SYNPR: variants seen among roughly 807,000 people sequenced by gnomAD.
SYNPR encodes the protein synaptoporin.
In SYNPR, 23 loss-of-function variants were observed where a neutral mutation model predicts 32.9. That is an observed-to-expected ratio of 0.70 (90% CI 0.50 to 0.99). SYNPR has a LOEUF of 0.99. SYNPR is among the 50% of genes least tolerant of loss of function. The pLI is 0.00. For synonymous variants in SYNPR, 146 were observed against 135.9 expected, an observed-to-expected ratio of 1.07 and a Z score of -0.52; for missense variants, 318 against 349.3, an observed-to-expected ratio of 0.91 and a Z score of 0.71.
chr3:63,271,569 A>T (rs2086535751), intron 3 of SYNPR, among the ~76,000 whole-genome samples: 1 of 152,262 alleles, frequency 6.6e-6, no homozygotes, highest in South Asian at 2.1e-4. Flanking sequence ...AGTATATGGT[A>T]GAATCCATTG....
rs376661036 is a variant in SYNPR at position 63,480,900 on chromosome 3, C to A, written c.153C>A (p.Cys51Ter). ...YSGGLRLSVD[C>*]VNKTESNLSI... ...GAGGCCTGCGGCTGAGTGTGGACTGCGTCAACAAGACAGAAAGTAACCTCA... is the reference window on the plus strand; with the variant it reads ...GAGGCCTGCGGCTGAGTGTGGACTGAGTCAACAAGACAGAAAGTAACCTCA... Residue 51 changes from cysteine to a stop codon, truncating the protein, a stop_gained, in exon 3 of 6, where the codon TGC becomes TGA. Transcript: ENST00000478300. LOFTEE classifies it high-confidence loss of function. The A allele has an allele frequency of 3.7e-6, 6 of 1,613,394 alleles. No homozygotes were observed. Among genetic ancestry groups the A allele is most frequent in the African/African-American group, 1.3e-5 (1 of 74,898 alleles).
intron 2 of SYNPR, among the ~76,000 whole-genome samples, chr3:63,471,587 T>C (rs1268777137): frequency 6.6e-6 from 1 of 152,206 alleles, no homozygotes; most frequent in Non-Finnish European, 1.5e-5. Flanking sequence ...ATCTGTCTAC[T>C]GGGGGCCTCC....
chr3:63,305,426 T>C (rs1394421499), intron 2 of SYNPR, among the ~76,000 whole-genome samples: 1 of 152,050 alleles, frequency 6.6e-6, no homozygotes, highest in Admixed American at 6.6e-5. Flanking sequence ...ATAAGCATTA[T>C]GACAGGAAAA....
chr3:63,516,859 C>A (rs1701810476), intron 3 of SYNPR, among the ~76,000 whole-genome samples: 1 of 152,086 alleles, frequency 6.6e-6, no homozygotes, highest in African/African-American at 2.4e-5. Context: ...ACATGTGGTT[C>A]ATGTTTTCAT....
intron 1 of SYNPR, among the ~76,000 whole-genome samples, chr3:63,236,324 A>AT (rs1023923063): frequency 1.3e-5 from 2 of 151,288 alleles, no homozygotes; most frequent in Non-Finnish European, 2.9e-5. Context: ...CTCCCACTAT[A>AT]TTTTTTTTGA....
intron 4 of SYNPR, among the ~76,000 whole-genome samples, chr3:63,595,764 T>C (rs1699935629): frequency 2.3e-5 from 1 of 43,800 alleles, no homozygotes; most frequent in African/African-American, 9.9e-5. Context: ...TATATATATA[T>C]ATATAATTTT....
intron 3 of SYNPR, among the ~76,000 whole-genome samples, chr3:63,483,809 G>A (rs1347961858): frequency 6.6e-6 from 1 of 152,130 alleles, no homozygotes; most frequent in Non-Finnish European, 1.5e-5. Context: ...TGAAGTAGGA[G>A]ATTATAAAAG....
At chr3:63,365,054 T>G (rs2087715254) in intron 2 of SYNPR, among the ~76,000 whole-genome samples, 1 of 152,042 alleles carries the variant, frequency 6.6e-6, no homozygotes, top group Non-Finnish European at 1.5e-5. Context: ...GAAAAGGGAG[T>G]GATCACTTAT....
chr3:63,597,545 C>A (rs987240799), intron 4 of SYNPR, among the ~76,000 whole-genome samples: 9 of 152,124 alleles, frequency 5.9e-5, no homozygotes, highest in Non-Finnish European at 1.0e-4. Context: ...AAGGAGAATG[C>A]CTTTCTCTCT....
chr3:63,217,310 C>T, the SYNPR span, among the ~76,000 whole-genome samples: 20 of 39,848 alleles, frequency 5.0e-4, 7 homozygotes, highest in Middle Eastern at 0.034. Context: ...CCCCCAGCCT[C>T]GTTGCCGCCT....
chr3:63,542,090 A>C (rs1702314695), intron 3 of SYNPR, among the ~76,000 whole-genome samples: 1 of 152,140 alleles, frequency 6.6e-6, no homozygotes, highest in Non-Finnish European at 1.5e-5. Flanking sequence ...GAATCAATAA[A>C]AATTTTGAGC....
At chr3:63,237,038 C>T (rs1188880325) in intron 1 of SYNPR, among the ~76,000 whole-genome samples, 3 of 152,076 alleles carry the variant, frequency 2.0e-5, no homozygotes, top group Non-Finnish European at 2.9e-5. Context: ...CCTTTACTCC[C>T]AACTTGGTAA....
rs114681572 is a variant in SYNPR, at chr3:63,402,582, A to C, written c.85-78250A>C. On this transcript the variant is annotated intron_variant, in intron 2 of 5. Transcript: ENST00000478300. ...GAAAAAAGGCCAGCCTATTTGTGAC[A>C]GTGGGCATAGCTAGGATGACTCCAA... Among the ~76,000 whole-genome samples the C allele has an allele frequency of 3.8e-3, 573 of 152,314 alleles. 7 individuals carry two copies. Among genetic ancestry groups the C allele is most frequent in the African/African-American group, 0.013 (546 of 41,560 alleles).
chr3:63,240,605 A>G (rs1444576909), intron 1 of SYNPR, among the ~76,000 whole-genome samples: 1 of 152,112 alleles, frequency 6.6e-6, no homozygotes, highest in Non-Finnish European at 1.5e-5. Context: ...TACTTCACCC[A>G]AGGGGACTTA....
At chr3:63,376,911 T>C (rs187377389) in intron 2 of SYNPR, among the ~76,000 whole-genome samples, 1 of 152,164 alleles carries the variant, frequency 6.6e-6, no homozygotes, top group Admixed American at 6.6e-5. Context: ...ATTGTATTCC[T>C]AGAGCATAAA....
intron 2 of SYNPR, among the ~76,000 whole-genome samples, chr3:63,377,586 C>T (rs1416899919): frequency 6.6e-6 from 1 of 151,874 alleles, no homozygotes; most frequent in Non-Finnish European, 1.5e-5. Context: ...AAATTAGAAT[C>T]AACCAGCAAG....
intron 2 of SYNPR, among the ~76,000 whole-genome samples, chr3:63,331,628 G>A (rs372146541): frequency 1.3e-5 from 2 of 151,742 alleles, no homozygotes; most frequent in African/African-American, 4.8e-5. Context: ...TTAAATATAA[G>A]TCCATGCTAA....
intron 2 of SYNPR, among the ~76,000 whole-genome samples, chr3:63,429,718 C>T (rs1487546531): frequency 6.6e-6 from 1 of 152,192 alleles, no homozygotes; most frequent in Non-Finnish European, 1.5e-5. Flanking sequence ...CAACGACATC[C>T]TCAGAACCTG....
At chr3:63,208,238 G>T in the SYNPR span, among the ~76,000 whole-genome samples, 4 of 152,138 alleles carry the variant, frequency 2.6e-5, no homozygotes, top group Non-Finnish European at 4.4e-5. Flanking sequence ...AACTTCATCA[G>T]CATAGATACT....
Sources: allele counts gnomAD v4.1 joint callset (sites outside exome capture counted in the v4.1 genomes callset), GRCh38; gene constraint gnomAD v4.1.1; transcripts MANE v1.5; gene names NCBI Gene and HGNC (gene_info 2026-07-23, HGNC 2026-07-21).